The following RGS7 variants were observed in gnomAD, a reference collection of about 807,000 sequenced individuals.
RGS7 encodes regulator of G-protein signaling 7.
Under a neutral mutation model 81.1 loss-of-function variants are expected in RGS7, and 27 were observed. The ratio of observed to expected loss-of-function variants is 0.33; its 90% CI spans 0.25 to 0.46. The LOEUF is 0.46. Ranked by LOEUF, RGS7 falls within the 20% of genes least tolerant of loss-of-function variation. RGS7 has a pLI of 1.00. For synonymous variants in RGS7, 208 were observed against 207.7 expected, an observed-to-expected ratio of 1.00 and a Z score of -0.01; for missense variants, 396 against 607.4, an observed-to-expected ratio of 0.65 and a Z score of 3.66.
At chr1:240,959,568 A>C (rs1157369663) in intron 4 of RGS7, among the ~76,000 whole-genome samples, 1 of 152,214 alleles carries the variant, frequency 6.6e-6, no homozygotes, top group African/African-American at 2.4e-5. Context: ...CTCCATTATA[A>C]TCTCATGGGA....
chr1:241,055,734 C>A (rs1320461181), intron 3 of RGS7, among the ~76,000 whole-genome samples: 2 of 152,158 alleles, frequency 1.3e-5, no homozygotes, highest in African/African-American at 2.4e-5. Context: ...TGATTGATTA[C>A]ATCCCCCATA....
At chr1:241,211,549 G>C (rs2815868) in intron 2 of RGS7, among the ~76,000 whole-genome samples, 6 of 151,908 alleles carry the variant, frequency 3.9e-5, no homozygotes, top group African/African-American at 1.5e-4. Flanking sequence ...CATCACCAAA[G>C]ACCTAGCATA....
chr1:241,268,360 G>A (rs114683381), intron 2 of RGS7, among the ~76,000 whole-genome samples: 3,296 of 152,284 alleles, frequency 0.022, 56 homozygotes, highest in Middle Eastern at 0.037. Flanking sequence ...AGCCCTGTGG[G>A]AGACTGTTCG....
At chr1:240,899,452 C>T (rs1445077043) in intron 6 of RGS7, among the ~76,000 whole-genome samples, 1 of 152,114 alleles carries the variant, frequency 6.6e-6, no homozygotes, top group Non-Finnish European at 1.5e-5. Context: ...TTAGTGCTTC[C>T]TTCAGGAGCT....
At chr1:241,307,504 T>A (rs1573604719) in intron 2 of RGS7, among the ~76,000 whole-genome samples, 1 of 152,142 alleles carries the variant, frequency 6.6e-6, no homozygotes, top group Non-Finnish European at 1.5e-5. Context: ...CTCAACAAAC[T>A]GTTAAAAAAG....
At chr1:241,248,880 G>A (rs887819327) in intron 2 of RGS7, among the ~76,000 whole-genome samples, 7 of 152,072 alleles carry the variant, frequency 4.6e-5, no homozygotes, top group Admixed American at 4.6e-4. Context: ...CTTATCATTC[G>A]ACGAACTTGC....
chr1:241,130,014 C>T (rs2066962676), intron 2 of RGS7, among the ~76,000 whole-genome samples: 1 of 152,320 alleles, frequency 6.6e-6, no homozygotes, highest in East Asian at 1.9e-4. Flanking sequence ...TCTACCATCA[C>T]TATGCTCCAC....
Position 240,908,119 on chromosome 1 carries a change from G to A in RGS7, c.385+22598C>T, listed in dbSNP as rs1264506326. On this transcript the variant is annotated intron_variant, in intron 6 of 18. Transcript: ENST00000440928. ...AAGGGCAGAAAACCAAACACCACAT[G>A]TTCTCACTCGTAGGTGGGAACTGAA... is the stretch of plus-strand genomic sequence containing the variant. 2.0e-5 allele frequency among the ~76,000 whole-genome samples: 3 copies of A among 148,692 alleles called. No individual in the cohort carries two copies. The East Asian group carries it at 6.0e-4, about 30-fold the overall frequency.
At chr1:241,317,396 C>T (rs2080945579) in intron 2 of RGS7, among the ~76,000 whole-genome samples, 1 of 152,188 alleles carries the variant, frequency 6.6e-6, no homozygotes, top group Non-Finnish European at 1.5e-5. Context: ...TCCAGCACAC[C>T]ATTGTAGCTT....
At chr1:241,016,568 CAAA>C (rs890392440) in intron 3 of RGS7, among the ~76,000 whole-genome samples, 5 of 134,722 alleles carry the variant, frequency 3.7e-5, no homozygotes, top group African/African-American at 1.6e-4. Context: ...ACCAAACAAA[CAAA>C]AAAAAAACCC....
intron 9 of RGS7, among the ~76,000 whole-genome samples, chr1:240,838,027 T>C (rs1178436525): frequency 6.6e-6 from 1 of 152,192 alleles, no homozygotes; most frequent in African/African-American, 2.4e-5. Context: ...AATCATAAGT[T>C]CCCAAATAGA....
intron 3 of RGS7, among the ~76,000 whole-genome samples, chr1:241,022,041 A>G (rs2059562943): frequency 6.6e-6 from 1 of 152,212 alleles, no homozygotes; most frequent in Non-Finnish European, 1.5e-5. Context: ...ATTTAAACGC[A>G]ATACAGGGTC....
intron 2 of RGS7, among the ~76,000 whole-genome samples, chr1:241,283,532 T>C (rs1234763279): frequency 1.3e-5 from 2 of 151,976 alleles, no homozygotes; most frequent in African/African-American, 4.8e-5. Context: ...AAGATGTCAC[T>C]TTTTAATGAA....
At chr1:241,161,768 A>C (rs956993244) in intron 2 of RGS7, among the ~76,000 whole-genome samples, 2 of 142,042 alleles carry the variant, frequency 1.4e-5, no homozygotes, top group Admixed American at 1.5e-4. Flanking sequence ...CTCAGGCTGG[A>C]GTGCAATGGC....
At chr1:241,016,486 C>T (rs2059239709) in intron 3 of RGS7, among the ~76,000 whole-genome samples, 1 of 151,910 alleles carries the variant, frequency 6.6e-6, no homozygotes. Context: ...CCACTGCACT[C>T]TAACCTGGTG....
At chr1:241,143,468 T>C (rs1052560869) in intron 2 of RGS7, among the ~76,000 whole-genome samples, 3 of 152,150 alleles carry the variant, frequency 2.0e-5, no homozygotes, top group African/African-American at 4.8e-5. Flanking sequence ...ACATGGATGG[T>C]GGCAGGCAAA....
chr1:241,159,752 C>T (rs2069476293), intron 2 of RGS7, among the ~76,000 whole-genome samples: 1 of 151,880 alleles, frequency 6.6e-6, no homozygotes, highest in African/African-American at 2.4e-5. Flanking sequence ...TAAGTATACA[C>T]AGGACAAGAA....
At chr1:241,222,426 T>C (rs1003917368) in intron 2 of RGS7, among the ~76,000 whole-genome samples, 9 of 152,190 alleles carry the variant, frequency 5.9e-5, no homozygotes, top group Non-Finnish European at 1.2e-4. Context: ...TGTCAATAAT[T>C]TGAAGAACTA....
chr1:240,825,289 C>T (rs964298956), intron 10 of RGS7, among the ~76,000 whole-genome samples: 3 of 152,240 alleles, frequency 2.0e-5, no homozygotes, highest in Admixed American at 2.0e-4. Flanking sequence ...ATTACAGTTC[C>T]TAAACAACTA....
Sources: allele counts gnomAD v4.1 joint callset (sites outside exome capture counted in the v4.1 genomes callset), GRCh38; gene constraint gnomAD v4.1.1; transcripts MANE v1.5; gene names NCBI Gene and HGNC (gene_info 2026-07-23, HGNC 2026-07-21).